Variants in RBFOX1 observed in about 807,000 individuals in gnomAD.
RBFOX1 encodes RNA binding protein fox-1 homolog 1.
Under a neutral mutation model 57.7 loss-of-function variants are expected in RBFOX1, and 8 were observed. The ratio of observed to expected loss-of-function variants is 0.14; its 90% CI spans 0.08 to 0.25. The LOEUF (loss-of-function observed/expected upper bound fraction) is 0.25. RBFOX1 is among the 10% of genes least tolerant of loss of function. The pLI, the probability that RBFOX1 is intolerant of heterozygous loss-of-function variation, is 1.00. For missense variants in RBFOX1, 611 were observed against 548.5 expected (o/e 1.11, Z -1.14); for synonymous variants, 326 against 222.4 (o/e 1.47, Z -4.15).
rs577943116 is a variant in RBFOX1, at chr16:6,143,546, T to A, written c.-127+123554T>A. Among the ~76,000 whole-genome samples the A allele has an allele frequency of 1.1e-3, 163 of 152,308 alleles. No individual in the cohort carries two copies. The Middle Eastern group carries it at 0.014, about 13-fold the overall frequency. ...CTTTGCTATTGAGAAGTGGCCTCTT[T>A]ATTTATAGCTAAAGGACACTTACCA... On this transcript the variant is annotated intron_variant, in intron 1 of 15. Coordinates refer to ENST00000550418, the MANE Select transcript of RBFOX1 (RefSeq NM_018723.4).
At chr16:5,822,514 T>C (rs900734274) in intron 3 of RBFOX1, among the ~76,000 whole-genome samples, 2 of 150,838 alleles carry the variant, frequency 1.3e-5, no homozygotes, top group African/African-American at 4.9e-5. Flanking sequence ...AATAAATAAG[T>C]TCTGGAGATC....
intron 4 of RBFOX1, among the ~76,000 whole-genome samples, chr16:7,061,402 T>C (rs1268662070): frequency 6.6e-6 from 1 of 152,212 alleles, no homozygotes; most frequent in Non-Finnish European, 1.5e-5. Flanking sequence ...ATCAGCCAAC[T>C]AGTCACAGAT....
chr16:5,915,677 C>G (rs986546073), intron 4 of RBFOX1, among the ~76,000 whole-genome samples: 5 of 151,954 alleles, frequency 3.3e-5, no homozygotes, highest in African/African-American at 9.7e-5. Context: ...ACTAAAAATA[C>G]AAAAATTAGC....
chr16:5,954,832 T>A (rs2059590961), intron 4 of RBFOX1, among the ~76,000 whole-genome samples: 1 of 151,972 alleles, frequency 6.6e-6, no homozygotes, highest in Non-Finnish European at 1.5e-5. Context: ...TCTAGGATGT[T>A]ATGGAGGAGG....
chr16:6,039,106 G>C (rs1460299546), intron 1 of RBFOX1: 1 of 151,828 alleles, frequency 6.6e-6, no homozygotes, highest in African/African-American at 2.4e-5. Flanking sequence ...GCATAGCGGG[G>C]AGAAGGGACC....
intron 4 of RBFOX1, among the ~76,000 whole-genome samples, chr16:7,364,813 C>T (rs774341606): frequency 6.6e-6 from 1 of 152,108 alleles, no homozygotes; most frequent in Non-Finnish European, 1.5e-5. Context: ...TTAGAGCTCC[C>T]ATTGTGAGGG....
chr16:7,304,242 GAGAGAC>G (rs2096115154), intron 4 of RBFOX1: 2 of 981,760 alleles, frequency 2.0e-6, no homozygotes, highest in Non-Finnish European at 1.2e-6. Context: ...GAGAGAGAGA[GAGAGAC>G]AGCGCGAGCC....
intron 2 of RBFOX1, among the ~76,000 whole-genome samples, chr16:6,354,248 T>C (rs1024875916): frequency 7.3e-5 from 11 of 151,306 alleles, no homozygotes; most frequent in African/African-American, 1.7e-4. Flanking sequence ...CACACACACA[T>C]AGATATATAT....
chr16:7,595,610 A>G lies in RBFOX1; in HGVS notation c.530A>G (p.His177Arg), dbSNP rs767697094. ...ADADRAREKL[H>R]GTVVEGRKIE... ...GCGGACAGGGCGAGGGAGAAATTAC[A>G]CGGCACCGTGGTAGAGGGCCGTAAA... The change falls in exon 8 of 16, where the codon CAC (histidine) becomes CGC (arginine). Residue 177 changes from histidine (H) to arginine (R), a missense_variant. By Grantham distance (29) the His-to-Arg change is conservative (BLOSUM62 0). This residue lies in a region of RBFOX1 where 99 missense variants were observed against 160.3 expected (regional missense o/e 0.62). Coordinates refer to ENST00000550418, the MANE Select transcript of RBFOX1 (RefSeq NM_018723.4). The G allele has an allele frequency of 5.7e-6, 9 of 1,579,122 alleles. No individual in the cohort carries two copies. The highest frequency in any genetic ancestry group is 6.9e-6 in the Non-Finnish European group (8 of 1,160,668).
At position 7,649,999 on chromosome 16, in the gene RBFOX1, A is replaced by C. The variant is rs371748113; in HGVS notation, c.758-3816A>C. ...GGAAGAAGAGCGAGGGGAGAAAGGAAAAGGAGGAGGGAAGACAAAAGGAAG... is the reference window on the plus strand; with the variant it reads ...GGAAGAAGAGCGAGGGGAGAAAGGACAAGGAGGAGGGAAGACAAAAGGAAG... On this transcript the variant is annotated intron_variant, in intron 11 of 15. Transcript: ENST00000550418. 2.1e-4 allele frequency among the ~76,000 whole-genome samples: 11 copies of C among 52,518 alleles called. 1 individual carries two copies. The highest frequency in any genetic ancestry group is 2.7e-4 in the African/African-American group (5 of 18,640). The allele number at this position is 52,518 out of a possible 152,430, so 34.5% of individuals were successfully genotyped here. A position where few individuals can be genotyped will look rare whatever the true frequency, so the allele number is the denominator to read the frequency against.
At chr16:6,078,120 T>C (rs1432769805) in intron 1 of RBFOX1, among the ~76,000 whole-genome samples, 1 of 152,150 alleles carries the variant, frequency 6.6e-6, no homozygotes. Flanking sequence ...AGGTTAAGAG[T>C]TGCTGTGTCC....
chr16:6,483,598 G>A, intron 2 of RBFOX1: 1 of 1,483,562 alleles, frequency 6.7e-7, no homozygotes, highest in South Asian at 1.2e-5. Context: ...GAGAAAGAGG[G>A]AGAGAGGGAG....
Position 7,209,069 on chromosome 16 carries a change from C to T in RBFOX1, c.27+156971C>T, listed in dbSNP as rs564885177. Among the ~76,000 whole-genome samples, 133 of 151,846 alleles carry T rather than the reference C, an allele frequency of 8.8e-4. 1 individual carries two copies. Among genetic ancestry groups the T allele is most frequent in the Middle Eastern group, 3.4e-3 (1 of 292 alleles). Reference sequence around the variant, plus strand: ...CAGCACTTTGGGAGGCCGAGGTGGTCAGATCACCTGAGGTCAGGAGTTCAA... The same window carrying T: ...CAGCACTTTGGGAGGCCGAGGTGGTTAGATCACCTGAGGTCAGGAGTTCAA... On this transcript the variant is annotated intron_variant, in intron 4 of 15. Transcript: ENST00000550418.
intron 4 of RBFOX1, among the ~76,000 whole-genome samples, chr16:7,474,135 A>C (rs1391535844): frequency 2.6e-5 from 4 of 151,984 alleles, no homozygotes; most frequent in African/African-American, 7.3e-5. Context: ...AAAAATACAA[A>C]AATTAGCCAG....
chr16:6,181,264 G>T (rs2097060210), intron 1 of RBFOX1, among the ~76,000 whole-genome samples: 1 of 152,144 alleles, frequency 6.6e-6, no homozygotes. Context: ...TGGCAACTGA[G>T]CTGCCAGTAC....
chr16:7,057,969 C>G (rs1811557), intron 4 of RBFOX1, among the ~76,000 whole-genome samples: 103,101 of 147,680 alleles, frequency 0.7, 36,939 homozygotes, highest in East Asian at 0.91. Context: ...GATCATGCCA[C>G]TGCACTCCAG....
At chr16:5,374,209 A>G (rs1345367001) in intron 1 of RBFOX1, among the ~76,000 whole-genome samples, 3 of 152,240 alleles carry the variant, frequency 2.0e-5, no homozygotes, top group Non-Finnish European at 4.4e-5. Flanking sequence ...AAGTGCTGGA[A>G]TTACAGGCGT....
At chr16:7,444,975 C>G (rs188889351) in intron 4 of RBFOX1, among the ~76,000 whole-genome samples, 12 of 152,050 alleles carry the variant, frequency 7.9e-5, no homozygotes, top group African/African-American at 2.7e-4. Flanking sequence ...AGAACATGTT[C>G]TAACTCTTAT....
intron 4 of RBFOX1, among the ~76,000 whole-genome samples, chr16:7,496,380 T>C (rs1275180381): frequency 6.6e-6 from 1 of 152,206 alleles, no homozygotes; most frequent in African/African-American, 2.4e-5. Flanking sequence ...TGACCTCAAG[T>C]GATCCACCTG....
Sources: allele counts gnomAD v4.1 joint callset (sites outside exome capture counted in the v4.1 genomes callset), GRCh38; gene constraint gnomAD v4.1.1; regional missense constraint gnomAD v4.1.1; transcripts MANE v1.5; gene names NCBI Gene and HGNC (gene_info 2026-07-23, HGNC 2026-07-21).